The following BRCA1 variants were observed in gnomAD, a reference collection of about 807,000 sequenced individuals.
BRCA1 encodes BRCA1 DNA repair associated.
A neutral mutation model predicts 173.7 loss-of-function variants in BRCA1; 140 were observed. That is an observed-to-expected ratio of 0.81 (90% CI 0.70 to 0.93). The LOEUF (loss-of-function observed/expected upper bound fraction) is 0.93. BRCA1 is among the 40% of genes least tolerant of loss of function. The pLI, the probability that BRCA1 is intolerant of heterozygous loss-of-function variation, is 0.00. For synonymous variants in BRCA1, 662 were observed against 756.0 expected (o/e 0.88, Z 2.04); for missense variants, 1,983 against 2,172.5 (o/e 0.91, Z 1.73).
chr17:43,112,249 C>A (rs1228023764), intron 3 of BRCA1, among the ~76,000 whole-genome samples: 1 of 152,044 alleles, frequency 6.6e-6, no homozygotes, highest in Non-Finnish European at 1.5e-5. Context: ...GCCCCCATAC[C>A]CAGCTAATTT....
In BRCA1 at chr17:43,045,155, G is replaced by A. The variant is rs961774736; in HGVS notation, c.*523C>T. 3.7e-6 allele frequency: 2 copies of A among 534,882 alleles called. No individual in the cohort carries two copies. The highest frequency in any genetic ancestry group is 1.9e-5 in the African/African-American group (1 of 53,836). 33.1% of individuals were successfully genotyped at this position (534,882 alleles called of 1,614,324 possible). A position where few individuals can be genotyped will look rare whatever the true frequency, so the allele number is the denominator to read the frequency against. ...CCTGCCTCAGAATTTCCTCCCCAAT[G>A]TTCCACTCCAACATTTGAGAACTGC... On this transcript the variant is annotated 3_prime_UTR_variant, in exon 23 of 23. Transcript: ENST00000357654.
At chr17:43,085,128 T>C (rs1486866506) in intron 11 of BRCA1, among the ~76,000 whole-genome samples, 1 of 152,204 alleles carries the variant, frequency 6.6e-6, no homozygotes, top group African/African-American at 2.4e-5. Context: ...CTACTTCTAC[T>C]ATGCTGCTCT....
At chr17:43,140,730 C>G (rs1434487422) in intron 1 of BRCA1, among the ~76,000 whole-genome samples, 7 of 152,158 alleles carry the variant, frequency 4.6e-5, no homozygotes, top group African/African-American at 9.7e-5. Context: ...CCGGCCCTCT[C>G]CCTAGTCTAG....
At position 43,092,908 on chromosome 17, in the gene BRCA1, G is replaced by C. The variant is rs866257451; in HGVS notation, c.2623C>G (p.Pro875Ala). ...GCACATTCCTCTTCTGCATTTCCTGGATTTGAAAACGGAGCAAATGACTGG... is the reference window on the plus strand; with the variant it reads ...GCACATTCCTCTTCTGCATTTCCTGCATTTGAAAACGGAGCAAATGACTGG... ...KRQSFAPFSNPGNAEEECATF... is the reference protein window; with the variant it reads ...KRQSFAPFSNAGNAEEECATF... The change falls in exon 10 of 23, where the codon CCA (proline) becomes GCA (alanine). Residue 875 changes from proline to alanine, a missense_variant. Coordinates refer to ENST00000357654, the MANE Select transcript of BRCA1 (RefSeq NM_007294.4). The C allele has an allele frequency of 5.6e-6, 9 of 1,613,840 alleles. No individual in the cohort carries two copies. In the South Asian group the frequency reaches 8.8e-5, roughly 16 times the overall value.
chr17:43,126,859 C>A (rs1412381251), upstream of BRCA1, among the ~76,000 whole-genome samples: 3 of 152,100 alleles, frequency 2.0e-5, no homozygotes, highest in Admixed American at 6.5e-5. Context: ...GGTGTGGGAA[C>A]TGGGGCTGCG....
rs273901758 is a variant in BRCA1, at chr17:43,056,975, G to T, written c.5277+77C>A. On this transcript the variant is annotated intron_variant, in intron 19 of 22. Transcript: ENST00000357654. ...TGTAATAAGTCTTACAAAATGAAGC[G>T]GCCCATCTCTGCAAAGGGGAGTGGA... is the stretch of plus-strand genomic sequence containing the variant. 7.7e-7 allele frequency: 1 copy of T among 1,305,304 alleles called. No homozygotes were observed. Among genetic ancestry groups the T allele is most frequent in the Non-Finnish European group, 1.1e-6 (1 of 898,674 alleles). 80.9% of individuals were successfully genotyped at this position (1,305,304 alleles called of 1,614,324 possible).
chr17:43,046,702 C>T (rs752155138), intron 22 of BRCA1, among the ~76,000 whole-genome samples: 2 of 150,772 alleles, frequency 1.3e-5, no homozygotes, highest in Non-Finnish European at 2.9e-5. Context: ...TTGCAGTGAG[C>T]CAAGACTGGG....
intron 1 of BRCA1, among the ~76,000 whole-genome samples, chr17:43,136,444 TTAAAC>T (rs751712309): frequency 3.3e-5 from 5 of 152,098 alleles, no homozygotes; most frequent in East Asian, 3.8e-4. Flanking sequence ...TGGAATCTAA[TTAAAC>T]TAAAGAGCTT....
chr17:43,106,610 A>G (rs1014744303), intron 3 of BRCA1, 77 bp from the exon 4 acceptor site: 30 of 1,114,954 alleles, frequency 2.7e-5, no homozygotes, highest in Non-Finnish European at 3.7e-5. Flanking sequence ...GCAAATAGCC[A>G]TGAAAAGATA....
Position 43,112,173 on chromosome 17 carries a change from T to A in BRCA1, c.134+3553A>T, listed in dbSNP as rs553786319. On this transcript the variant is annotated intron_variant, in intron 3 of 22. Coordinates refer to ENST00000357654, the MANE Select transcript of BRCA1 (RefSeq NM_007294.4). The stretch of plus-strand genomic sequence containing the variant: ...GGCACGATCTCAACTCACTGCAGCC[T>A]CTGCCTCCTGGGTTCAAGAGGTTCC... 2.0e-5 allele frequency among the ~76,000 whole-genome samples: 3 copies of A among 152,080 alleles called. No individual in the cohort carries two copies. The East Asian group carries it at 5.8e-4, about 29-fold the overall frequency.
At chr17:43,161,150 C>T (rs2056233483) in intron 1 of BRCA1, 2 of 152,176 alleles carry the variant, frequency 1.3e-5, no homozygotes, top group South Asian at 2.1e-4. Context: ...AGCAAGTAGT[C>T]GAGAGCTAAT....
chr17:43,110,713 G>A (rs945374078), intron 3 of BRCA1: 1 of 274,088 alleles, frequency 3.6e-6, no homozygotes, highest in African/African-American at 2.2e-5. Context: ...GGTGGCTCAT[G>A]CCTATAATCC....
chr17:43,044,392 G>T lies in BRCA1; in HGVS notation c.*1286C>A, dbSNP rs548275991. 16 of 505,778 alleles carry T rather than the reference G, an allele frequency of 3.2e-5. 1 individual carries two copies. The highest frequency in any genetic ancestry group is 9.6e-5 in the African/African-American group (5 of 52,262). The allele number at this position is 505,778 out of a possible 1,614,324, so 31.3% of individuals were successfully genotyped here. ...AAGTCTTCACTGCCCTTGCACACTG[G>T]GGGGGCTAGGGAAGACCTAGTCCTT... On this transcript the variant is annotated 3_prime_UTR_variant, in exon 23 of 23. Transcript: ENST00000357654.
chr17:43,157,463 G>A (rs911403405), intron 1 of BRCA1, among the ~76,000 whole-genome samples: 4 of 152,188 alleles, frequency 2.6e-5, no homozygotes, highest in Non-Finnish European at 4.4e-5. Flanking sequence ...ACTTTAGGAG[G>A]CCGAGGTGGG....
At chr17:43,138,632 A>AT (rs2056047826) in intron 1 of BRCA1, 1 of 770,178 alleles carries the variant, frequency 1.3e-6, no homozygotes, top group Non-Finnish European at 2.4e-6. Flanking sequence ...TGCTCATGAC[A>AT]TTCATTTCAC....
chr17:43,101,590 C>A (rs529523935), intron 6 of BRCA1, among the ~76,000 whole-genome samples: 2 of 152,024 alleles, frequency 1.3e-5, no homozygotes, highest in South Asian at 4.1e-4. Context: ...GCAACCTCCG[C>A]GTCCTAGGTT....
intron 14 of BRCA1, among the ~76,000 whole-genome samples, chr17:43,072,051 T>C (rs2052472834): frequency 6.6e-6 from 1 of 151,046 alleles, no homozygotes; most frequent in Non-Finnish European, 1.5e-5. Flanking sequence ...TAAAAGTTTA[T>C]GTAAAATGAC....
intron 11 of BRCA1, among the ~76,000 whole-genome samples, chr17:43,088,079 T>C (rs920564676): frequency 6.6e-6 from 1 of 152,192 alleles, no homozygotes; most frequent in African/African-American, 2.4e-5. Context: ...AGATAAAGTA[T>C]ATACAAGCAC....
chr17:43,082,669 G>T, intron 11 of BRCA1, 94 bp from the exon 12 acceptor site: 1 of 1,395,900 alleles, frequency 7.2e-7, no homozygotes, highest in Non-Finnish European at 9.9e-7. Flanking sequence ...TTTAGCACAG[G>T]AATTGAAATC....
Sources: gnomAD v4.1 joint callset for allele counts (sites outside exome capture counted in the v4.1 genomes callset) on GRCh38, gnomAD v4.1.1 for gene constraint, MANE v1.5 for transcripts, NCBI Gene and HGNC (gene_info 2026-07-23, HGNC 2026-07-21) for gene names.